Variants in ERC1 observed in about 807,000 individuals in gnomAD.
ERC1 encodes the protein ELKS/RAB6-interacting/CAST family member 1.
Under a neutral mutation model 132.0 loss-of-function variants are expected in ERC1, and 56 were observed. The ratio of observed to expected loss-of-function variants is 0.42; its 90% CI spans 0.34 to 0.53. The LOEUF (loss-of-function observed/expected upper bound fraction) is 0.53, where lower values mean the gene tolerates loss of function less well. Among genes scored for constraint, ERC1 ranks in the 20% least tolerant of loss-of-function variants. The pLI, the probability that ERC1 is intolerant of heterozygous loss-of-function variation, is 0.03. For missense variants in ERC1, 1,202 were observed against 1,349.9 expected, an observed-to-expected ratio of 0.89 and a Z score of 1.72; for synonymous variants, 478 against 476.1, an observed-to-expected ratio of 1.00 and a Z score of -0.05.
chr12:1,039,102 C>T (rs1018465249), intron 2 of ERC1, among the ~76,000 whole-genome samples: 3 of 151,492 alleles, frequency 2.0e-5, no homozygotes, highest in South Asian at 2.1e-4. Context: ...TTTGGGAGGC[C>T]GAGGCTGGCG....
chr12:1,170,718 T>C (rs925336866), intron 8 of ERC1, among the ~76,000 whole-genome samples: 1 of 152,220 alleles, frequency 6.6e-6, no homozygotes, highest in African/African-American at 2.4e-5. Context: ...TTTGTGTCAT[T>C]GTATCCAGTT....
intron 16 of ERC1, among the ~76,000 whole-genome samples, chr12:1,373,597 T>A (rs575979710): frequency 1.3e-5 from 2 of 152,316 alleles, no homozygotes; most frequent in East Asian, 1.9e-4. Flanking sequence ...CTGGCCAACA[T>A]GGTGAAACCC....
intron 15 of ERC1, among the ~76,000 whole-genome samples, chr12:1,338,800 A>G (rs532288830): frequency 2.6e-5 from 4 of 152,052 alleles, no homozygotes; most frequent in Admixed American, 6.6e-5. Context: ...CTGTTTCTGG[A>G]AGACTTTAGG....
chr12:1,318,084 G>A (rs960038125), intron 15 of ERC1, among the ~76,000 whole-genome samples: 1 of 152,274 alleles, frequency 6.6e-6, no homozygotes, highest in African/African-American at 2.4e-5. Flanking sequence ...GAGCTTTCAA[G>A]TTAGAACTAA....
intron 15 of ERC1, among the ~76,000 whole-genome samples, chr12:1,305,037 C>G (rs1200281067): frequency 6.6e-6 from 1 of 152,080 alleles, no homozygotes; most frequent in East Asian, 1.9e-4. Flanking sequence ...ACCTTGGCCT[C>G]CCAAAGTGCT....
intron 17 of ERC1, among the ~76,000 whole-genome samples, chr12:1,424,020 TCGTGTGTGTATGTA>T (rs983398755): frequency 6.6e-5 from 10 of 152,140 alleles, no homozygotes; most frequent in African/African-American, 1.9e-4. Context: ...TAATATGGTT[TCGTGTGTGTATGTA>T]CGTGTGTGTG....
At chr12:1,402,775 C>G (rs1012801758) in intron 16 of ERC1, among the ~76,000 whole-genome samples, 1 of 152,084 alleles carries the variant, frequency 6.6e-6, no homozygotes, top group Non-Finnish European at 1.5e-5. Context: ...CATAGTGAGA[C>G]AGATTGTTCA....
intron 16 of ERC1, among the ~76,000 whole-genome samples, chr12:1,398,986 A>G (rs1039762746): frequency 7.3e-5 from 9 of 123,702 alleles, no homozygotes; most frequent in African/African-American, 2.0e-4. Context: ...CACTCTGTCA[A>G]CCAGGCTGGA....
chr12:1,094,856 TG>T (rs1943807674), intron 3 of ERC1, among the ~76,000 whole-genome samples: 1 of 152,188 alleles, frequency 6.6e-6, no homozygotes, highest in Non-Finnish European at 1.5e-5. Flanking sequence ...TACGAAAAAG[TG>T]GTAACAGTTC....
chr12:1,029,403 C>T (rs934447048), intron 2 of ERC1, among the ~76,000 whole-genome samples: 3 of 152,062 alleles, frequency 2.0e-5, no homozygotes, highest in Non-Finnish European at 4.4e-5. Flanking sequence ...CAATAAGTAC[C>T]TGTTCTTTTT....
At chr12:1,304,939 G>A (rs1594887645) in intron 15 of ERC1, among the ~76,000 whole-genome samples, 2 of 151,080 alleles carry the variant, frequency 1.3e-5, no homozygotes, top group Admixed American at 6.6e-5. Context: ...ACAGGCGCCC[G>A]CCCCCACGCC....
rs1478818610 is a variant in ERC1 at position 1,002,936 on chromosome 12, C to T, written c.-157+11614C>T. ...TTGTGTTGCAAATATTTCCACCTTA[C>T]TCTGTGGCTTGCCATTTAAGACTTC... is the stretch of plus-strand genomic sequence containing the variant. On this transcript the variant is annotated intron_variant, in intron 1 of 18. Transcript: ENST00000360905. Among the ~76,000 whole-genome samples, 6 of 150,906 alleles carry T rather than the reference C, an allele frequency of 4.0e-5. No homozygotes were observed. In the East Asian group the frequency reaches 9.7e-4, roughly 24 times the overall value.
intron 18 of ERC1, among the ~76,000 whole-genome samples, chr12:1,448,005 C>T (rs2093345357): frequency 6.6e-6 from 1 of 152,040 alleles, no homozygotes; most frequent in Admixed American, 6.5e-5. Flanking sequence ...TTTCAATATG[C>T]CTAGATGGAC....
chr12:1,041,051 C>T (rs962691796), intron 2 of ERC1, among the ~76,000 whole-genome samples: 2 of 152,048 alleles, frequency 1.3e-5, no homozygotes, highest in African/African-American at 4.8e-5. Flanking sequence ...GGACCCCAAG[C>T]AGCTTTTGTT....
chr12:1,452,404 C>A (rs144462459), intron 18 of ERC1, among the ~76,000 whole-genome samples: 1 of 151,996 alleles, frequency 6.6e-6, no homozygotes, highest in African/African-American at 2.4e-5. Context: ...TGATAATGTA[C>A]CTAGTTGTGT....
chr12:1,231,390 A>C (rs1294841245), intron 12 of ERC1, among the ~76,000 whole-genome samples: 1 of 152,134 alleles, frequency 6.6e-6, no homozygotes, highest in Non-Finnish European at 1.5e-5. Context: ...AAATTATTGT[A>C]GCTATAGTTA....
At chr12:1,007,540 C>CTCTCTCTGTGTG (rs1555194875) in intron 1 of ERC1, among the ~76,000 whole-genome samples, 80 of 122,780 alleles carry the variant, frequency 6.5e-4, no homozygotes, top group East Asian at 1.3e-3. Context: ...CTCTCTCTCT[C>CTCTCTCTGTGTG]TGTGTGTGTG....
chr12:1,423,275 T>C (rs1057024087), intron 17 of ERC1, among the ~76,000 whole-genome samples: 1 of 152,196 alleles, frequency 6.6e-6, no homozygotes, highest in Non-Finnish European at 1.5e-5. Flanking sequence ...GCTTTCACCT[T>C]ACAAAAGTCT....
intron 15 of ERC1, among the ~76,000 whole-genome samples, chr12:1,319,313 T>A (rs1213977537): frequency 1.3e-5 from 2 of 152,210 alleles, no homozygotes; most frequent in Non-Finnish European, 2.9e-5. Flanking sequence ...TATATTCGCT[T>A]TAAGGATAGT....
Sources: allele counts gnomAD v4.1 joint callset (sites outside exome capture counted in the v4.1 genomes callset), GRCh38; gene constraint gnomAD v4.1.1; transcripts MANE v1.5; gene names NCBI Gene and HGNC (gene_info 2026-07-23, HGNC 2026-07-21).